RAD51B: variants seen among roughly 807,000 people sequenced by gnomAD.
RAD51B encodes the protein RAD51 paralog B, also known as DNA repair protein RAD51 homolog 2.
Under a neutral mutation model 42.2 loss-of-function variants are expected in RAD51B, and 38 were observed. The observed-to-expected ratio is 0.90, with a 90% CI of 0.70 to 1.18. RAD51B has a LOEUF of 1.18. Among genes scored for constraint, RAD51B ranks in the 50% most tolerant of loss-of-function variants. The pLI, the probability that RAD51B is intolerant of heterozygous loss-of-function variation, is 0.00. For missense variants in RAD51B, 373 were observed against 400.7 expected (o/e 0.93, Z 0.59); for synonymous variants, 154 against 145.2 (o/e 1.06, Z -0.43).
At chr14:68,260,318 T>TGTGGG (rs1049368684) in intron 7 of RAD51B, among the ~76,000 whole-genome samples, 1 of 128,040 alleles carries the variant, frequency 7.8e-6, no homozygotes, top group African/African-American at 4.9e-5. Context: ...TGTGTGTGTG[T>TGTGGG]GGAGAGGGGA....
At chr14:68,532,694 G>A (rs1380884592) in intron 10 of RAD51B, among the ~76,000 whole-genome samples, 1 of 152,152 alleles carries the variant, frequency 6.6e-6, no homozygotes, top group Non-Finnish European at 1.5e-5. Flanking sequence ...CAAACTGTTT[G>A]AGAGTGTAGA....
At chr14:68,356,844 G>A (rs1055882784) in intron 8 of RAD51B, among the ~76,000 whole-genome samples, 5 of 151,920 alleles carry the variant, frequency 3.3e-5, no homozygotes, top group African/African-American at 7.3e-5. Flanking sequence ...TTAGCCGGGC[G>A]CGGTGGCGGG....
intron 7 of RAD51B, among the ~76,000 whole-genome samples, chr14:68,279,785 T>C (rs1193297672): frequency 6.6e-6 from 1 of 152,212 alleles, no homozygotes; most frequent in Non-Finnish European, 1.5e-5. Flanking sequence ...ACTAAAGACC[T>C]TTAGTTTTAG....
rs1245865420 is a variant in RAD51B, at chr14:68,200,745, G to A, written c.757-91139G>A. Among the ~76,000 whole-genome samples, 9 of 151,988 alleles carry A rather than the reference G, an allele frequency of 5.9e-5. No homozygotes were observed. In the East Asian group the frequency reaches 1.7e-3, roughly 29 times the overall value. On this transcript the variant is annotated intron_variant, in intron 7 of 10. Coordinates refer to ENST00000471583, the MANE Select transcript of RAD51B (RefSeq NM_133510.4). ...CACGGCTCACTGTAGCCTCAACCTT[G>A]CAGGTTCAAGTGATCCTCCCACCTC...
chr14:67,871,148 G>A (rs1276658475), intron 5 of RAD51B, among the ~76,000 whole-genome samples: 5 of 152,106 alleles, frequency 3.3e-5, no homozygotes, highest in African/African-American at 1.2e-4. Context: ...GAATCCAGGA[G>A]CTGGTTTTTT....
intron 9 of RAD51B, among the ~76,000 whole-genome samples, chr14:68,434,332 C>T (rs1258149832): frequency 1.3e-5 from 2 of 152,104 alleles, no homozygotes; most frequent in Non-Finnish European, 2.9e-5. Flanking sequence ...CTATGTCCTG[C>T]CCCCCAGAGG....
chr14:68,602,858 T>C (rs1453968499), intron 10 of RAD51B, among the ~76,000 whole-genome samples: 1 of 152,192 alleles, frequency 6.6e-6, no homozygotes, highest in Non-Finnish European at 1.5e-5. Flanking sequence ...TTTCATCTGG[T>C]CAGCAGTGCT....
chr14:68,304,587 T>C (rs2081820688), intron 8 of RAD51B, among the ~76,000 whole-genome samples: 2 of 152,352 alleles, frequency 1.3e-5, no homozygotes, highest in East Asian at 1.9e-4. Flanking sequence ...CTGAAATCTC[T>C]ATGCTGATAG....
At chr14:68,173,471 G>A (rs545445935) in intron 7 of RAD51B, among the ~76,000 whole-genome samples, 2 of 152,326 alleles carry the variant, frequency 1.3e-5, no homozygotes, top group East Asian at 1.9e-4. Flanking sequence ...CTTTTGGGCT[G>A]TAGATTTTGA....
At chr14:68,481,562 C>T (rs189241010), downstream of RAD51B, among the ~76,000 whole-genome samples, 39 of 152,290 alleles carry the variant, frequency 2.6e-4, no homozygotes, top group East Asian at 6.0e-3. Context: ...GCACTTGCTG[C>T]GTGTCTGACA....
intron 7 of RAD51B, among the ~76,000 whole-genome samples, chr14:68,002,243 C>T (rs2075498790): frequency 6.6e-6 from 1 of 152,078 alleles, no homozygotes; most frequent in South Asian, 2.1e-4. Flanking sequence ...GTCATTCTGA[C>T]TGATGTGAGC....
chr14:68,668,074 C>T (rs904966226), intron 11 of RAD51B, among the ~76,000 whole-genome samples: 1 of 152,210 alleles, frequency 6.6e-6, no homozygotes, highest in Non-Finnish European at 1.5e-5. Flanking sequence ...AAGGGCCTCA[C>T]CCCTGGCTGC....
intron 7 of RAD51B, among the ~76,000 whole-genome samples, chr14:68,209,208 T>C (rs1465352519): frequency 6.6e-6 from 1 of 152,226 alleles, no homozygotes; most frequent in African/African-American, 2.4e-5. Context: ...CACTCAAGTA[T>C]CTAATACTTT....
At chr14:68,193,985 G>T (rs749010262) in intron 7 of RAD51B, among the ~76,000 whole-genome samples, 2 of 152,060 alleles carry the variant, frequency 1.3e-5, no homozygotes, top group African/African-American at 4.8e-5. Flanking sequence ...GAAATGGCCT[G>T]GGACATTAAA....
chr14:67,885,808 C>T, intron 5 of RAD51B, 61 bp from the exon 6 acceptor site: 1 of 1,524,152 alleles, frequency 6.6e-7, no homozygotes, highest in Non-Finnish European at 8.9e-7. Flanking sequence ...ATTAGAGATT[C>T]AGCAATGTGG....
intron 9 of RAD51B, among the ~76,000 whole-genome samples, chr14:68,454,890 T>C (rs774974981): frequency 1.3e-5 from 2 of 152,192 alleles, no homozygotes; most frequent in Non-Finnish European, 2.9e-5. Flanking sequence ...ATAAAGCTCC[T>C]ACATACACCA....
intron 1 of RAD51B, among the ~76,000 whole-genome samples, chr14:67,821,194 G>T (rs2040614882): frequency 6.6e-6 from 1 of 152,232 alleles, no homozygotes; most frequent in African/African-American, 2.4e-5. Context: ...CATGGCTGTA[G>T]TTATTTGTGT....
At chr14:67,851,916 C>T (rs934423053) in intron 4 of RAD51B, among the ~76,000 whole-genome samples, 3 of 152,106 alleles carry the variant, frequency 2.0e-5, no homozygotes, top group Non-Finnish European at 4.4e-5. Flanking sequence ...CTGTAAGGAG[C>T]AGCAGGGGCT....
intron 7 of RAD51B, among the ~76,000 whole-genome samples, chr14:68,039,445 A>T (rs1457955357): frequency 7.2e-5 from 11 of 151,840 alleles, no homozygotes; most frequent in Non-Finnish European, 1.6e-4. Flanking sequence ...AAAAAAAAAA[A>T]AAGTGTGTTA....
Sources: allele counts gnomAD v4.1 joint callset (sites outside exome capture counted in the v4.1 genomes callset), GRCh38; gene constraint gnomAD v4.1.1; transcripts MANE v1.5; gene names NCBI Gene and HGNC (gene_info 2026-07-23, HGNC 2026-07-21).